The following MLIP variants were observed in gnomAD, a reference collection of about 807,000 sequenced individuals.
MLIP encodes the protein muscular LMNA interacting protein, also known as muscular LMNA-interacting protein.
A neutral mutation model predicts 84.8 loss-of-function variants in MLIP; 79 were observed. The ratio of observed to expected loss-of-function variants is 0.93; its 90% CI spans 0.78 to 1.12. MLIP has a LOEUF of 1.12. Ranked by LOEUF, MLIP falls within the 50% of genes most tolerant of loss-of-function variation. MLIP has a pLI of 0.00. For synonymous variants in MLIP, 504 were observed against 463.0 expected (o/e 1.09, Z -1.14); for missense variants, 1,257 against 1,160.6 (o/e 1.08, Z -1.21).
At chr6:54,030,711 T>C (rs998362041) in intron 1 of MLIP, 3 of 152,144 alleles carry the variant, frequency 2.0e-5, no homozygotes, top group Non-Finnish European at 4.4e-5. Flanking sequence ...TTAAGAATTT[T>C]TCTAAAAAAT....
intron 1 of MLIP, among the ~76,000 whole-genome samples, chr6:54,075,748 C>G (rs2150349796): frequency 6.6e-6 from 1 of 152,264 alleles, no homozygotes; most frequent in Admixed American, 6.5e-5. Flanking sequence ...CTCTTTTATT[C>G]CATATGGGCT....
intron 4 of MLIP, among the ~76,000 whole-genome samples, chr6:54,142,405 T>C (rs1317330423): frequency 6.6e-6 from 1 of 152,082 alleles, no homozygotes; most frequent in Non-Finnish European, 1.5e-5. Flanking sequence ...TGTCACAAGT[T>C]ATGTTGGGGT....
intron 12 of MLIP, among the ~76,000 whole-genome samples, chr6:54,244,669 C>T (rs1196821862): frequency 6.6e-6 from 1 of 152,150 alleles, no homozygotes. Flanking sequence ...TGAAACTGGG[C>T]ATGCTTCTGT....
chr6:54,254,788 C>CA (rs1200218811), intron 12 of MLIP, among the ~76,000 whole-genome samples: 1 of 146,512 alleles, frequency 6.8e-6, no homozygotes, highest in African/African-American at 2.6e-5. Flanking sequence ...TCCCTTCCCC[C>CA]CCCACTTTCC....
chr6:54,158,560 C>T (rs1774285184), intron 5 of MLIP, among the ~76,000 whole-genome samples: 1 of 152,026 alleles, frequency 6.6e-6, no homozygotes, highest in Non-Finnish European at 1.5e-5. Flanking sequence ...GAAAAACTTC[C>T]TGTTGTAAAA....
chr6:54,029,341 CT>C (rs1763996865), intron 1 of MLIP: 1 of 152,186 alleles, frequency 6.6e-6, no homozygotes, highest in African/African-American at 2.4e-5. Context: ...GAGTAGTGCC[CT>C]TCTAGCAGGG....
At chr6:54,154,674 A>G (rs573126872) in intron 5 of MLIP, among the ~76,000 whole-genome samples, 10 of 152,260 alleles carry the variant, frequency 6.6e-5, no homozygotes, top group Non-Finnish European at 1.2e-4. Flanking sequence ...GGATGCTCAT[A>G]TGGGATCCCT....
intron 1 of MLIP, among the ~76,000 whole-genome samples, chr6:54,091,087 G>A (rs1767841029): frequency 6.6e-6 from 1 of 152,070 alleles, no homozygotes; most frequent in Admixed American, 6.6e-5. Flanking sequence ...GAGGCCAGGA[G>A]CACACCTCTC....
At chr6:54,032,909 C>G (rs991634665) in intron 1 of MLIP, among the ~76,000 whole-genome samples, 7 of 152,282 alleles carry the variant, frequency 4.6e-5, no homozygotes, top group African/African-American at 1.7e-4. Flanking sequence ...AATAAGCTGT[C>G]TGTCATTCTG....
intron 11 of MLIP, among the ~76,000 whole-genome samples, chr6:54,230,182 C>A (rs1034913797): frequency 2.6e-5 from 4 of 152,168 alleles, no homozygotes; most frequent in African/African-American, 9.7e-5. Context: ...CCACCCTTCC[C>A]TGATTCCTTA....
chr6:54,117,277 C>T (rs568457638), intron 1 of MLIP, among the ~76,000 whole-genome samples: 4 of 148,340 alleles, frequency 2.7e-5, no homozygotes, highest in Admixed American at 6.7e-5. Flanking sequence ...GCACAGTGGC[C>T]GGTCTAGGCT....
chr6:54,173,982 T>A (rs1024884681), intron 9 of MLIP, among the ~76,000 whole-genome samples: 3 of 151,596 alleles, frequency 2.0e-5, no homozygotes, highest in Non-Finnish European at 4.4e-5. Context: ...AGTGAGAACA[T>A]GTGTTGTTTG....
At chr6:54,109,059 G>A (rs1234617474), upstream of MLIP, among the ~76,000 whole-genome samples, 1 of 136,252 alleles carries the variant, frequency 7.3e-6, no homozygotes, top group African/African-American at 2.6e-5. Context: ...ATATATATAT[G>A]TCTTTATATA....
At chr6:54,212,105 T>C (rs982142155) in intron 11 of MLIP, among the ~76,000 whole-genome samples, 1 of 152,232 alleles carries the variant, frequency 6.6e-6, no homozygotes, top group Admixed American at 6.5e-5. Flanking sequence ...ATTCCAGATA[T>C]ATCGGCAAAA....
chr6:54,123,571 T>C (rs1477586634), intron 2 of MLIP, among the ~76,000 whole-genome samples: 1 of 152,184 alleles, frequency 6.6e-6, no homozygotes, highest in Non-Finnish European at 1.5e-5. Context: ...ATACATACAA[T>C]ACATGCACAC....
chr6:54,081,940 A>G (rs552794072), intron 1 of MLIP, among the ~76,000 whole-genome samples: 9 of 152,266 alleles, frequency 5.9e-5, no homozygotes, highest in Admixed American at 5.2e-4. Context: ...AATTTTCAAT[A>G]TTAATTGAAA....
At chr6:54,201,139 T>C (rs1778649251) in intron 10 of MLIP, among the ~76,000 whole-genome samples, 1 of 152,218 alleles carries the variant, frequency 6.6e-6, no homozygotes, top group Non-Finnish European at 1.5e-5. Flanking sequence ...TTGTGAAACA[T>C]CACATTTTGA....
intron 4 of MLIP, among the ~76,000 whole-genome samples, chr6:54,139,495 G>T (rs906405440): frequency 6.6e-6 from 1 of 152,190 alleles, no homozygotes; most frequent in Non-Finnish European, 1.5e-5. Context: ...TCAGAAGTCT[G>T]TGTGTGGAGA....
intron 1 of MLIP, among the ~76,000 whole-genome samples, chr6:54,038,597 T>C (rs1257975911): frequency 6.6e-6 from 1 of 151,870 alleles, no homozygotes; most frequent in Non-Finnish European, 1.5e-5. Flanking sequence ...ATTTTTTCTT[T>C]ATATTTATGA....
Sources: allele counts gnomAD v4.1 joint callset (sites outside exome capture counted in the v4.1 genomes callset), GRCh38; gene constraint gnomAD v4.1.1; transcripts MANE v1.5; gene names NCBI Gene and HGNC (gene_info 2026-07-23, HGNC 2026-07-21).